C19orf47: variants seen among roughly 807,000 people sequenced by gnomAD.
The protein encoded by C19orf47 is uncharacterized protein C19orf47.
Under a neutral mutation model 32.3 loss-of-function variants are expected in C19orf47, and 18 were observed. The ratio of observed to expected loss-of-function variants is 0.56; its 90% CI spans 0.39 to 0.83. The LOEUF (loss-of-function observed/expected upper bound fraction) is 0.83. Among genes scored for constraint, C19orf47 ranks in the 40% least tolerant of loss-of-function variants. C19orf47 has a pLI of 0.00. For missense variants in C19orf47, 484 were observed against 531.6 expected (o/e 0.91, Z 0.88); for synonymous variants, 202 against 211.1 (o/e 0.96, Z 0.37).
chr19:40,303,587 A>T, the C19orf47 span, among the ~76,000 whole-genome samples: 2 of 150,498 alleles, frequency 1.3e-5, no homozygotes, highest in Admixed American at 1.3e-4. Context: ...AGGCAGGTGG[A>T]TCACAAGGTC....
At chr19:40,296,261 G>T in the C19orf47 span, among the ~76,000 whole-genome samples, 1 of 149,974 alleles carries the variant, frequency 6.7e-6, no homozygotes. Context: ...GAAGGCAATT[G>T]TAACACAATG....
chr19:40,325,499 G>A (rs984617213), intron 7 of C19orf47, among the ~76,000 whole-genome samples: 2 of 151,958 alleles, frequency 1.3e-5, no homozygotes, highest in Non-Finnish European at 2.9e-5. Context: ...ATGGTGGCAT[G>A]AGCCTGTAGT....
the C19orf47 span, among the ~76,000 whole-genome samples, chr19:40,295,628 G>A: frequency 4.7e-5 from 7 of 150,502 alleles, no homozygotes; most frequent in Non-Finnish European, 1.0e-4. Context: ...TAGAGATGAG[G>A]TTTCACCATG....
At chr19:40,342,174 C>G (rs4802074) in intron 1 of C19orf47, among the ~76,000 whole-genome samples, 39,422 of 152,068 alleles carry the variant, frequency 0.26, 5,268 homozygotes, top group Middle Eastern at 0.29. Flanking sequence ...AAATAAGACA[C>G]TTCTGGCCAA....
chr19:40,336,717 C>T (rs762349280), intron 2 of C19orf47, among the ~76,000 whole-genome samples: 1 of 152,196 alleles, frequency 6.6e-6, no homozygotes, highest in Non-Finnish European at 1.5e-5. Flanking sequence ...TACAGCTCCA[C>T]CCCGCCCCAG....
rs1231946056 is a variant in C19orf47 at position 40,321,339 on chromosome 19, G to A, written c.*543C>T. The A allele has an allele frequency of 2.8e-5, 28 of 987,440 alleles. 1 individual carries two copies. The Admixed American group carries it at 9.1e-4, about 32-fold the overall frequency. The allele number at this position is 987,440 out of a possible 1,614,324, so 61.2% of individuals were successfully genotyped here. A position where few individuals can be genotyped will look rare whatever the true frequency, so the allele number is the denominator to read the frequency against. On this transcript the variant is annotated 3_prime_UTR_variant, in exon 9 of 9. Transcript: ENST00000683109. ...ACAGGAGGGTCGGGCAGGACGCAGC[G>A]GACAGTCGGGCCTTGCCACGGGGAC... is the stretch of plus-strand genomic sequence containing the variant.
chr19:40,323,232 C>T (rs1159931675), intron 8 of C19orf47, among the ~76,000 whole-genome samples: 3 of 152,214 alleles, frequency 2.0e-5, no homozygotes, highest in South Asian at 4.1e-4. Context: ...AGGCAGGAAA[C>T]GCAGCTGGGA....
downstream of C19orf47, among the ~76,000 whole-genome samples, chr19:40,317,961 C>T (rs543863353): frequency 2.5e-4 from 38 of 152,232 alleles, 1 homozygote; most frequent in Admixed American, 1.3e-4. Flanking sequence ...TCCAAGTGAT[C>T]CACCTGCCTC....
the C19orf47 span, among the ~76,000 whole-genome samples, chr19:40,309,437 C>G: frequency 6.6e-6 from 1 of 152,118 alleles, no homozygotes; most frequent in Non-Finnish European, 1.5e-5. Context: ...GATCTGCCGG[C>G]CTCAGCCTCC....
In C19orf47 at chr19:40,333,895, C is replaced by T. The variant is rs762847032; in HGVS notation, c.257G>A (p.Cys86Tyr). 1 of 1,579,836 alleles carries T rather than the reference C, an allele frequency of 6.3e-7. No individual in the cohort carries two copies. ...TTCGCCTGCAAGGGGGCTAGGGCTG[C>T]AGGGTACTGACTCAGTGGCAGCTTT... ...MCKAATESVPCSPSPLAGEIR... is the reference protein window; with the variant it reads ...MCKAATESVPYSPSPLAGEIR... Residue 86 changes from cysteine to tyrosine, a missense_variant, in exon 5 of 9, where the codon TGC becomes TAC. Cys to Tyr is a radical substitution (Grantham distance 194). Around this residue, in one of 3 missense-constraint regions of C19orf47, gnomAD observed 376 missense variants for 370.2 expected, o/e 1.02. Transcript: ENST00000683109.
intron 5 of C19orf47, 29 bp from the exon 6 acceptor site, chr19:40,328,579 G>A (rs1445749602): frequency 6.3e-7 from 1 of 1,582,054 alleles, no homozygotes; most frequent in African/African-American, 1.4e-5. Flanking sequence ...AGTCCGGTCG[G>A]GTGGGGTCCT....
rs55954294 is a variant in C19orf47 at position 40,345,536 on chromosome 19, T to TA, written c.-34+2787dup. On this transcript the variant is annotated intron_variant, in intron 1 of 8. Transcript: ENST00000683109. ...CAATATAGCGAGACCCTGTCACTGT[T>TA]AAAAAAAAAAAAAAAAAAAAAAAAA... 3.1e-3 allele frequency among the ~76,000 whole-genome samples: 339 copies of TA among 110,832 alleles called. 1 individual carries two copies. The highest frequency in any genetic ancestry group is 6.0e-3 in the Admixed American group (59 of 9,780). 72.7% of individuals were successfully genotyped at this position (110,832 alleles called of 152,430 possible).
chr19:40,306,456 G>A, the C19orf47 span, among the ~76,000 whole-genome samples: 5 of 151,762 alleles, frequency 3.3e-5, no homozygotes, highest in South Asian at 2.1e-4. Context: ...AGGCTGGAGC[G>A]CAGTGGCGAG....
the C19orf47 span, among the ~76,000 whole-genome samples, chr19:40,293,422 A>C: frequency 1.3e-5 from 2 of 151,756 alleles, no homozygotes; most frequent in Admixed American, 1.3e-4. Context: ...CTGGGATTAC[A>C]GGCATGAGCC....
chr19:40,324,471 A>G, intron 7 of C19orf47: 1 of 206,144 alleles, frequency 4.9e-6, no homozygotes, highest in Non-Finnish European at 9.9e-6. Context: ...TTACTAAATT[A>G]TGGTATATGA....
intron 5 of C19orf47, among the ~76,000 whole-genome samples, chr19:40,331,010 C>A (rs1323575921): frequency 6.6e-6 from 1 of 152,128 alleles, no homozygotes; most frequent in Non-Finnish European, 1.5e-5. Context: ...CTGTGAATGG[C>A]ACCCCACTGT....
chr19:40,315,928 A>C (rs1040934994), downstream of C19orf47, among the ~76,000 whole-genome samples: 2 of 152,098 alleles, frequency 1.3e-5, no homozygotes, highest in African/African-American at 4.8e-5. Context: ...ACTGCACTCC[A>C]GTCTGGGTGA....
intron 1 of C19orf47, among the ~76,000 whole-genome samples, chr19:40,347,941 G>C (rs2078352877): frequency 6.6e-6 from 1 of 152,272 alleles, no homozygotes; most frequent in South Asian, 2.1e-4. Flanking sequence ...CGGGGTTCAA[G>C]GAAGCGAAGA....
chr19:40,334,622 C>A (rs144574280), intron 4 of C19orf47, among the ~76,000 whole-genome samples: 2 of 152,188 alleles, frequency 1.3e-5, no homozygotes, highest in Non-Finnish European at 2.9e-5. Context: ...GTGGCGCACG[C>A]CTGTAATCCC....
Sources: gnomAD v4.1 joint callset for allele counts (sites outside exome capture counted in the v4.1 genomes callset) on GRCh38, gnomAD v4.1.1 for gene constraint, gnomAD v4.1.1 regional missense constraint, MANE v1.5 for transcripts, NCBI Gene and HGNC (gene_info 2026-07-23, HGNC 2026-07-21) for gene names.